Variants in NCOA1 observed in about 807,000 individuals in gnomAD.
NCOA1 encodes the protein Hin-2 protein.
Under a neutral mutation model 150.9 loss-of-function variants are expected in NCOA1, and 35 were observed. The ratio of observed to expected loss-of-function variants is 0.23; its 90% confidence interval spans 0.18 to 0.31. The LOEUF (loss-of-function observed/expected upper bound fraction) is 0.31. NCOA1 is among the 10% of genes least tolerant of loss of function. NCOA1 has a pLI of 1.00. For missense variants in NCOA1, 1,491 were observed against 1,749.3 expected, an observed-to-expected ratio of 0.85 and a Z score of 2.63; for synonymous variants, 590 against 630.0, an observed-to-expected ratio of 0.94 and a Z score of 0.95.
intron 20 of NCOA1, among the ~76,000 whole-genome samples, chr2:24,757,021 CACCTAAAA>C (rs1384821745): frequency 1.3e-5 from 2 of 152,148 alleles, no homozygotes; most frequent in Non-Finnish European, 2.9e-5. Flanking sequence ...TTAAATTTGC[CACCTAAAA>C]ACATTTGGTT....
At position 24,728,451 on chromosome 2, in the gene NCOA1, C is replaced by T; in HGVS notation, c.2861C>T (p.Ala954Val). The change falls in exon 16 of 23, where the codon GCT becomes GTT. Residue 954 changes from alanine (A) to valine (V), a missense_variant. Around this residue, in one of 8 missense-constraint regions of NCOA1, gnomAD observed 13 missense variants for 38.5 expected, o/e 0.34. Transcript: ENST00000348332. ...DETELAELDRALGIDKLVQGG... is the reference protein window; with the variant it reads ...DETELAELDRVLGIDKLVQGG... The stretch of plus-strand genomic sequence containing the variant: ...ACTGAGCTAGCTGAACTAGACAGAG[C>T]TCTGGGAATTGACAAACTTGTTCAG... 6.2e-7 allele frequency: 1 copy of T among 1,613,108 alleles called. No individual in the cohort carries two copies. The highest frequency in any genetic ancestry group is 8.5e-7 in the Non-Finnish European group (1 of 1,179,640).
chr2:24,656,004 C>T (rs1402765556), intron 4 of NCOA1, among the ~76,000 whole-genome samples: 2 of 147,768 alleles, frequency 1.4e-5, no homozygotes, highest in South Asian at 2.2e-4. Context: ...AGGAGAATGG[C>T]GTGAACCCGG....
At chr2:24,494,040 C>T (rs1663090597) in intron 1 of NCOA1, among the ~76,000 whole-genome samples, 1 of 152,092 alleles carries the variant, frequency 6.6e-6, no homozygotes, top group African/African-American at 2.4e-5. Context: ...GGTAAACAAG[C>T]CTAAATAATT....
intron 8 of NCOA1, among the ~76,000 whole-genome samples, chr2:24,689,278 G>A (rs983955459): frequency 6.6e-6 from 1 of 152,126 alleles, no homozygotes; most frequent in Non-Finnish European, 1.5e-5. Flanking sequence ...TAGTTTGATA[G>A]GAATAGCATT....
intron 3 of NCOA1, among the ~76,000 whole-genome samples, chr2:24,602,300 A>G (rs1668157918): frequency 6.6e-6 from 1 of 152,136 alleles, no homozygotes; most frequent in African/African-American, 2.4e-5. Context: ...TCCCAGGCCC[A>G]AGCAGTTCTC....
chr2:24,745,584 A>G (rs531304847), intron 19 of NCOA1, among the ~76,000 whole-genome samples: 2 of 152,324 alleles, frequency 1.3e-5, no homozygotes, highest in African/African-American at 4.8e-5. Context: ...GTGAACTACA[A>G]TAAAATCCTC....
chr2:24,543,997 CAA>C (rs1479018590), intron 1 of NCOA1, among the ~76,000 whole-genome samples: 1 of 151,932 alleles, frequency 6.6e-6, no homozygotes, highest in African/African-American at 2.4e-5. Flanking sequence ...TTTGTTCTAA[CAA>C]GAAATTTTTC....
At chr2:24,553,089 G>A (rs188351892) in intron 1 of NCOA1, among the ~76,000 whole-genome samples, 239 of 152,254 alleles carry the variant, frequency 1.6e-3, no homozygotes, top group Middle Eastern at 6.8e-3. Context: ...AGGAGACAAC[G>A]TTTAATCTTT....
At chr2:24,641,511 A>T (rs1345611159) in intron 3 of NCOA1, among the ~76,000 whole-genome samples, 1 of 152,122 alleles carries the variant, frequency 6.6e-6, no homozygotes, top group East Asian at 1.9e-4. Context: ...AGCCTGAAAA[A>T]GTTCCTTTAG....
At chr2:24,728,522 G>A in intron 16 of NCOA1, 46 bp downstream of exon 16, 1 of 1,521,476 alleles carries the variant, frequency 6.6e-7, no homozygotes, top group Non-Finnish European at 8.9e-7. Context: ...GCCCTAAGAA[G>A]CTAGAAAATT....
At chr2:24,719,251 T>C (rs1674235958) in intron 14 of NCOA1, among the ~76,000 whole-genome samples, 1 of 152,004 alleles carries the variant, frequency 6.6e-6, no homozygotes. Flanking sequence ...AACTAATCTG[T>C]AGTAATAGAA....
intron 1 of NCOA1, among the ~76,000 whole-genome samples, chr2:24,552,941 C>G (rs1016598878): frequency 6.6e-6 from 1 of 152,060 alleles, no homozygotes; most frequent in Non-Finnish European, 1.5e-5. Context: ...TGGAAAAAAA[C>G]AGTTTTGTTT....
chr2:24,707,070 T>G lies in NCOA1; in HGVS notation c.1600T>G (p.Ser534Ala). 6.2e-7 allele frequency: 1 copy of G among 1,614,186 alleles called. No homozygotes were observed. Among genetic ancestry groups the G allele is most frequent in the East Asian group, 2.2e-5 (1 of 44,894 alleles). The change falls in exon 13 of 23, where the codon TCA becomes GCA. Residue 534 changes from serine (S) to alanine (A), a missense_variant. By Grantham distance (99) the Ser-to-Ala change is moderately conservative. Around this residue, in one of 8 missense-constraint regions of NCOA1, gnomAD observed 703 missense variants for 717.7 expected, o/e 0.98. Transcript: ENST00000348332. ...SACNNNNRSY[S>A]NIPVTSLQGM... Reference sequence around the variant, plus strand: ...CTGTAATAATAATAACCGATCTTATTCAAACATCCCAGTAACATCTTTACA... The same window carrying G: ...CTGTAATAATAATAACCGATCTTATGCAAACATCCCAGTAACATCTTTACA...
At chr2:24,579,156 A>G (rs1472940361) in intron 2 of NCOA1, among the ~76,000 whole-genome samples, 2 of 152,192 alleles carry the variant, frequency 1.3e-5, no homozygotes, top group Non-Finnish European at 2.9e-5. Context: ...GGGGATGGGC[A>G]ACAAGTTGGT....
intron 19 of NCOA1, among the ~76,000 whole-genome samples, chr2:24,747,114 A>G (rs1663964285): frequency 6.6e-6 from 1 of 152,072 alleles, no homozygotes; most frequent in Admixed American, 6.6e-5. Context: ...AACAACAACA[A>G]CAAAACAAAC....
chr2:24,673,371 TCAA>T lies in NCOA1; in HGVS notation c.267_269del (p.Thr90del). ...TTTAAGTTTCTTTATTATAGAGAAATCAACAACTGATGACGATGTACAGAAATC... is the reference window on the plus strand; with the variant it reads ...TTTAAGTTTCTTTATTATAGAGAAATCAACTGATGACGATGTACAGAAATC... On this transcript the variant is annotated inframe_deletion, in exon 7 of 23. Transcript: ENST00000348332. 2 of 1,560,514 alleles carry T rather than the reference TCAA, an allele frequency of 1.3e-6. No individual in the cohort carries two copies. The highest frequency in any genetic ancestry group is 2.6e-5 in the South Asian group (2 of 77,968).
chr2:24,653,337 TC>T (rs1298891755), intron 4 of NCOA1, among the ~76,000 whole-genome samples: 1 of 152,142 alleles, frequency 6.6e-6, no homozygotes, highest in Non-Finnish European at 1.5e-5. Context: ...ATTAGAATAT[TC>T]CCTAATTTCT....
intron 3 of NCOA1, among the ~76,000 whole-genome samples, chr2:24,609,447 T>G (rs961695030): frequency 1.3e-5 from 2 of 152,180 alleles, no homozygotes; most frequent in African/African-American, 2.4e-5. Flanking sequence ...ATTGGCAGGA[T>G]TTTTAAAAGT....
At chr2:24,654,919 C>T (rs896313057) in intron 4 of NCOA1, among the ~76,000 whole-genome samples, 4 of 152,130 alleles carry the variant, frequency 2.6e-5, no homozygotes, top group Non-Finnish European at 4.4e-5. Context: ...TTGTTCATAT[C>T]TCTCACTTTT....
Sources: gnomAD v4.1 joint callset for allele counts (sites outside exome capture counted in the v4.1 genomes callset) on GRCh38, gnomAD v4.1.1 for gene constraint, gnomAD v4.1.1 regional missense constraint, MANE v1.5 for transcripts, NCBI Gene and HGNC (gene_info 2026-07-23, HGNC 2026-07-21) for gene names.